The following WSB1 variants were observed in gnomAD, a reference collection of about 807,000 sequenced individuals.
WSB1 encodes WD repeat and SOCS box-containing protein 1.
Under a neutral mutation model 50.2 loss-of-function variants are expected in WSB1, and 23 were observed. That is an observed-to-expected ratio of 0.46 (90% CI 0.33 to 0.65). WSB1 has a LOEUF of 0.65. Ranked by LOEUF, WSB1 falls within the 30% of genes least tolerant of loss-of-function variation. The pLI, the probability that WSB1 is intolerant of heterozygous loss-of-function variation, is 0.02. For missense variants in WSB1, 492 were observed against 522.3 expected (o/e 0.94, Z 0.56); for synonymous variants, 179 against 172.0 (o/e 1.04, Z -0.32).
intron 1 of WSB1, among the ~76,000 whole-genome samples, chr17:27,295,545 AAC>A (rs1398171194): frequency 4.6e-5 from 7 of 152,182 alleles, no homozygotes; most frequent in East Asian, 1.9e-4. Context: ...TAAAGATACA[AAC>A]ACAGAAAAAA....
intron 3 of WSB1, chr17:27,303,858 T>TA: frequency 2.0e-6 from 1 of 500,836 alleles, no homozygotes; most frequent in Non-Finnish European, 3.4e-6. Context: ...TAGAGAGTAT[T>TA]ACAGTAGGAA....
chr17:27,301,897 T>C lies in WSB1; in HGVS notation c.150T>C (p.Ala50=), dbSNP rs1430267514. The change falls in exon 2 of 9, where the codon GCT becomes GCC. Residue 50 remains alanine (A), a synonymous_variant. Coordinates refer to ENST00000262394, the MANE Select transcript of WSB1 (RefSeq NM_015626.10). ...VAFAPDGSYF[A]WSQGHRTVKL... Reference sequence around the variant, plus strand: ...TTGCTCCAGATGGTTCATACTTTGCTTGGTCACAAGGACATCGCACAGTAA... The same window carrying C: ...TTGCTCCAGATGGTTCATACTTTGCCTGGTCACAAGGACATCGCACAGTAA... 1.2e-6 allele frequency: 2 copies of C among 1,613,524 alleles called. No individual in the cohort carries two copies. The highest frequency in any genetic ancestry group is 2.2e-5 in the East Asian group (1 of 44,886).
Position 27,309,095 on chromosome 17 carries a change from T to C in WSB1, c.712-5T>C, listed in dbSNP as rs2017567200. On this transcript the variant is annotated splice_polypyrimidine_tract_variant and splice_region_variant and intron_variant, in intron 5 of 8. Coordinates refer to ENST00000262394, the MANE Select transcript of WSB1 (RefSeq NM_015626.10). ...GAAGCTATAACATTTGCCTTTTTATTGCAGGTTTTCCTTTGGAATATGGAT... is the reference window on the plus strand; with the variant it reads ...GAAGCTATAACATTTGCCTTTTTATCGCAGGTTTTCCTTTGGAATATGGAT... 2 of 1,593,092 alleles carry C rather than the reference T, an allele frequency of 1.3e-6. No homozygotes were observed. Among genetic ancestry groups the C allele is most frequent in the East Asian group, 4.5e-5 (2 of 44,464 alleles).
chr17:27,300,017 C>T (rs1246232363), intron 1 of WSB1, among the ~76,000 whole-genome samples: 1 of 152,064 alleles, frequency 6.6e-6, no homozygotes, highest in East Asian at 1.9e-4. Flanking sequence ...AAGAATTGGG[C>T]AGATAACATA....
At chr17:27,310,249 T>G (rs2150842855) in intron 7 of WSB1, 75 bp downstream of exon 7, 1 of 1,352,808 alleles carries the variant, frequency 7.4e-7, no homozygotes, top group Non-Finnish European at 1.0e-6. Context: ...CTTTCTGCAG[T>G]TAAGAGTTTT....
chr17:27,312,425 C>G lies in WSB1; in HGVS notation c.*56C>G, dbSNP rs1466970737. 2.5e-6 allele frequency: 4 copies of G among 1,579,406 alleles called. No individual in the cohort carries two copies. Among genetic ancestry groups the G allele is most frequent in the African/African-American group, 2.7e-5 (2 of 72,742 alleles). ...GACAGAATACACTTAACACAAACCTCAAGCTTTACTGACTTCAATTATCTG... is the reference window on the plus strand; with the variant it reads ...GACAGAATACACTTAACACAAACCTGAAGCTTTACTGACTTCAATTATCTG... On this transcript the variant is annotated 3_prime_UTR_variant, in exon 9 of 9. Transcript: ENST00000262394.
chr17:27,309,499 T>G (rs546183065), intron 6 of WSB1, among the ~76,000 whole-genome samples: 3 of 152,170 alleles, frequency 2.0e-5, no homozygotes, highest in African/African-American at 7.2e-5. Context: ...CAGCTCTCTA[T>G]AGAAGTACTA....
At chr17:27,303,844 T>C in intron 3 of WSB1, 1 of 582,542 alleles carries the variant, frequency 1.7e-6, no homozygotes, top group Non-Finnish European at 2.9e-6. Context: ...GCTTCATCAC[T>C]CTTTAGAGAG....
intron 1 of WSB1, among the ~76,000 whole-genome samples, chr17:27,296,736 G>A (rs186579142): frequency 1.2e-3 from 178 of 152,296 alleles, no homozygotes; most frequent in African/African-American, 3.7e-3. Context: ...ATAATGTAGT[G>A]TTGTATCTTA....
intron 1 of WSB1, among the ~76,000 whole-genome samples, chr17:27,297,574 T>C (rs2017032272): frequency 6.6e-6 from 1 of 151,846 alleles, no homozygotes; most frequent in Admixed American, 6.6e-5. Flanking sequence ...CTCAAGCAAT[T>C]CTCCCACCTC....
chr17:27,305,022 TC>T (rs2017391577), intron 4 of WSB1, 111 bp downstream of exon 4: 5 of 1,394,132 alleles, frequency 3.6e-6, no homozygotes, highest in Non-Finnish European at 4.9e-6. Flanking sequence ...TGATCAAAGT[TC>T]CTTTTCTCTG....
rs140620135 is a variant in WSB1 at position 27,313,677 on chromosome 17, C to T, written c.*1308C>T. On this transcript the variant is annotated 3_prime_UTR_variant, in exon 9 of 9. Transcript: ENST00000262394. Reference sequence around the variant, plus strand: ...TTAAATAGGTTAGGTGGAGTACTTTCTCTCTGTCTCCATTGTAAGGTTGAT... The same window carrying T: ...TTAAATAGGTTAGGTGGAGTACTTTTTCTCTGTCTCCATTGTAAGGTTGAT... 1 of 151,706 alleles carries T rather than the reference C, an allele frequency of 6.6e-6. No homozygotes were observed. Among genetic ancestry groups the T allele is most frequent in the Non-Finnish European group, 1.5e-5 (1 of 67,972 alleles). The allele number at this position is 151,706 out of a possible 1,614,324, so 9.4% of individuals were successfully genotyped here.
At chr17:27,307,525 A>C in intron 5 of WSB1, 2 of 561,572 alleles carry the variant, frequency 3.6e-6, no homozygotes, top group Non-Finnish European at 6.2e-6. Context: ...TACATGTGAT[A>C]ATTACAATAC....
At position 27,312,729 on chromosome 17, in the gene WSB1, C is replaced by A; in HGVS notation, c.*360C>A. The A allele has an allele frequency of 5.9e-6, 1 of 168,382 alleles. No homozygotes were observed. The highest frequency in any genetic ancestry group is 1.3e-5 in the Non-Finnish European group (1 of 78,508). 10.4% of individuals were successfully genotyped at this position (168,382 alleles called of 1,614,324 possible). On this transcript the variant is annotated 3_prime_UTR_variant, in exon 9 of 9. Transcript: ENST00000262394. ...CAATATGTATCTTTGCTGTAAAGTG[C>A]AAGGAAATTTTAAATTCTGGGACAC...
intron 1 of WSB1, among the ~76,000 whole-genome samples, chr17:27,301,566 G>A (rs887942081): frequency 6.6e-6 from 1 of 151,996 alleles, no homozygotes; most frequent in Non-Finnish European, 1.5e-5. Context: ...CTCTTGCATT[G>A]GGAAATTTTA....
intron 6 of WSB1, 35 bp from the exon 7 acceptor site, chr17:27,310,026 A>G (rs748765546): frequency 5.1e-6 from 8 of 1,571,594 alleles, no homozygotes; most frequent in African/African-American, 1.4e-5. Context: ...TCTTGAAGTG[A>G]CTGATATCCA....
chr17:27,300,207 TG>T (rs1314521729), intron 1 of WSB1, among the ~76,000 whole-genome samples: 1 of 151,492 alleles, frequency 6.6e-6, no homozygotes, highest in East Asian at 1.9e-4. Context: ...GCTATATCAG[TG>T]TAAGGGGTTC....
intron 1 of WSB1, among the ~76,000 whole-genome samples, chr17:27,297,489 A>G (rs2017029379): frequency 1.3e-5 from 2 of 148,184 alleles, no homozygotes; most frequent in Non-Finnish European, 3.0e-5. Flanking sequence ...TTTTTTTTAG[A>G]CAGAGTCTTG....
intron 2 of WSB1, 97 bp downstream of exon 2, chr17:27,302,053 A>G (rs2017252949): frequency 3.7e-6 from 5 of 1,336,338 alleles, no homozygotes; most frequent in Admixed American, 2.6e-5. Flanking sequence ...TTTAAGTTTT[A>G]CTTTATAGAT....
Sources: gnomAD v4.1 joint callset for allele counts (sites outside exome capture counted in the v4.1 genomes callset) on GRCh38, gnomAD v4.1.1 for gene constraint, MANE v1.5 for transcripts, NCBI Gene and HGNC (gene_info 2026-07-23, HGNC 2026-07-21) for gene names.